Variants in SBF2 observed in about 807,000 individuals in gnomAD.
SBF2 encodes myotubularin-related protein 13.
Under a neutral mutation model 225.2 loss-of-function variants are expected in SBF2, and 112 were observed. The ratio of observed to expected loss-of-function variants is 0.50; its 90% CI spans 0.43 to 0.58. The LOEUF is 0.58. SBF2 is among the 20% of genes least tolerant of loss of function. SBF2 has a pLI of 0.00. For synonymous variants in SBF2, 763 were observed against 773.3 expected, an observed-to-expected ratio of 0.99 and a Z score of 0.22; for missense variants, 1,996 against 2,206.2, an observed-to-expected ratio of 0.90 and a Z score of 1.91.
rs375389315 is a variant in SBF2 at position 10,128,993 on chromosome 11, G to A, written c.141+64909C>T. ...CAAACAATTAGACTACAGGCTAAAAGAGTCATGTTTCCCATGAAATACTAT... is the reference window on the plus strand; with the variant it reads ...CAAACAATTAGACTACAGGCTAAAAAAGTCATGTTTCCCATGAAATACTAT... On this transcript the variant is annotated intron_variant, in intron 2 of 39. Coordinates refer to ENST00000256190, the MANE Select transcript of SBF2 (RefSeq NM_030962.4). Among the ~76,000 whole-genome samples, 10 of 151,450 alleles carry A rather than the reference G, an allele frequency of 6.6e-5. No homozygotes were observed. In the East Asian group the frequency reaches 7.7e-4, roughly 12 times the overall value.
At chr11:9,930,719 G>C (rs943416989) in intron 16 of SBF2, among the ~76,000 whole-genome samples, 1 of 152,230 alleles carries the variant, frequency 6.6e-6, no homozygotes, top group African/African-American at 2.4e-5. Context: ...TTCCAAGTGA[G>C]GTACCTGTTT....
chr11:9,942,434 C>T (rs528662564), intron 16 of SBF2, among the ~76,000 whole-genome samples: 2 of 152,278 alleles, frequency 1.3e-5, no homozygotes, highest in East Asian at 1.9e-4. Flanking sequence ...AATGTCAATT[C>T]TTCCTACATT....
At chr11:10,293,938 G>A in intron 1 of SBF2, 77 bp downstream of exon 1, 2 of 1,122,184 alleles carry the variant, frequency 1.8e-6, no homozygotes, top group Non-Finnish European at 2.3e-6. Flanking sequence ...CGTCCCCGAC[G>A]CCCGGCCCCG....
rs1410138153 is a variant in SBF2 at position 10,196,833 on chromosome 11, CATAAATATAT to C, written c.56-2856_56-2847del. ...TATCCATTTATTCCTAGGTTTCTTGCATAAATATATATATATATATATATATATATATATT... is the reference window on the plus strand; with the variant it reads ...TATCCATTTATTCCTAGGTTTCTTGCATATATATATATATATATATATATT... On this transcript the variant is annotated intron_variant, in intron 1 of 39. Transcript: ENST00000256190. Among the ~76,000 whole-genome samples the C allele has an allele frequency of 1.3e-3, 126 of 96,042 alleles. 2 individuals carry two copies. Among genetic ancestry groups the C allele is most frequent in the East Asian group, 0.011 (35 of 3,206 alleles). The allele number at this position is 96,042 out of a possible 152,430, so 63.0% of individuals were successfully genotyped here. A position where few individuals can be genotyped will look rare whatever the true frequency, so the allele number is the denominator to read the frequency against.
intron 17 of SBF2, among the ~76,000 whole-genome samples, chr11:9,879,762 A>G (rs1859582508): frequency 6.6e-6 from 1 of 152,182 alleles, no homozygotes; most frequent in Admixed American, 6.5e-5. Context: ...GAAGAATAAA[A>G]GTTCAGACAG....
intron 2 of SBF2, among the ~76,000 whole-genome samples, chr11:10,180,897 T>A (rs1056641740): frequency 6.6e-6 from 1 of 152,120 alleles, no homozygotes; most frequent in Non-Finnish European, 1.5e-5. Flanking sequence ...AATAGTAAAA[T>A]CTAACTTTTT....
At chr11:10,242,134 C>T (rs970732988) in intron 1 of SBF2, among the ~76,000 whole-genome samples, 1 of 151,696 alleles carries the variant, frequency 6.6e-6, no homozygotes, top group African/African-American at 2.4e-5. Flanking sequence ...GGTCCTAGCA[C>T]CAAAGTATTT....
intron 1 of SBF2, among the ~76,000 whole-genome samples, chr11:10,232,035 C>T (rs1481282558): frequency 6.6e-6 from 1 of 152,226 alleles, no homozygotes; most frequent in South Asian, 2.1e-4. Flanking sequence ...GCCTCACTGC[C>T]GCCTTGCAGT....
At chr11:10,234,558 A>C (rs1183281727) in intron 1 of SBF2, among the ~76,000 whole-genome samples, 1 of 152,166 alleles carries the variant, frequency 6.6e-6, no homozygotes, top group Admixed American at 6.5e-5. Context: ...TTACAGATCT[A>C]AATTTTGTCA....
intron 16 of SBF2, among the ~76,000 whole-genome samples, chr11:9,926,991 C>A (rs1454503653): frequency 6.6e-6 from 1 of 152,078 alleles, no homozygotes; most frequent in Admixed American, 6.6e-5. Context: ...ATGTATAACT[C>A]TCTAGCTTGA....
intron 26 of SBF2, among the ~76,000 whole-genome samples, chr11:9,833,532 T>C (rs1022023055): frequency 6.6e-6 from 1 of 151,306 alleles, no homozygotes; most frequent in East Asian, 2.0e-4. Flanking sequence ...GCCATTCTCC[T>C]GCCTCAGCCT....
chr11:10,217,797 A>G (rs1225206685), intron 1 of SBF2, among the ~76,000 whole-genome samples: 2 of 152,130 alleles, frequency 1.3e-5, no homozygotes, highest in African/African-American at 2.4e-5. Flanking sequence ...CATGACCGAG[A>G]CTGGTTAATT....
intron 1 of SBF2, among the ~76,000 whole-genome samples, chr11:10,250,913 G>A (rs1408429099): frequency 6.6e-6 from 1 of 152,180 alleles, no homozygotes; most frequent in Non-Finnish European, 1.5e-5. Flanking sequence ...AACCAGGCAA[G>A]TTTCTCCCCA....
intron 16 of SBF2, among the ~76,000 whole-genome samples, chr11:9,936,249 T>C (rs1864889106): frequency 6.6e-6 from 1 of 152,162 alleles, no homozygotes; most frequent in South Asian, 2.1e-4. Context: ...AAAACCACAA[T>C]GAGATACCAT....
intron 1 of SBF2, 45 bp downstream of exon 1, chr11:10,293,970 C>A: frequency 7.8e-6 from 10 of 1,275,014 alleles, no homozygotes; most frequent in Non-Finnish European, 6.0e-6. Flanking sequence ...GGACAGCGGC[C>A]GGGGGGCGGG....
chr11:10,278,573 G>C (rs576877597), intron 1 of SBF2, among the ~76,000 whole-genome samples: 1 of 152,108 alleles, frequency 6.6e-6, no homozygotes, highest in Non-Finnish European at 1.5e-5. Context: ...CTGAGGTCAG[G>C]AGTTTGAGAT....
At chr11:10,254,562 T>A (rs144404397) in intron 1 of SBF2, among the ~76,000 whole-genome samples, 1 of 148,470 alleles carries the variant, frequency 6.7e-6, no homozygotes. Context: ...GATGAATGAA[T>A]AAAGAAAATG....
chr11:9,934,400 C>T (rs2134270493), intron 16 of SBF2, among the ~76,000 whole-genome samples: 1 of 152,302 alleles, frequency 6.6e-6, no homozygotes, highest in East Asian at 1.9e-4. Context: ...GGTACCATTC[C>T]TTCTGAAACT....
rs375664773 is a variant in SBF2, at chr11:10,178,904, T to C, written c.141+14998A>G. On this transcript the variant is annotated intron_variant, in intron 2 of 39. Coordinates refer to ENST00000256190, the MANE Select transcript of SBF2 (RefSeq NM_030962.4). ...AAAGACACATGCACACGTATGTTTA[T>C]TGTGGCATTATTCACAATAGCAAAG... 1.1e-4 allele frequency among the ~76,000 whole-genome samples: 16 copies of C among 148,076 alleles called. 1 individual carries two copies. In the East Asian group the frequency reaches 1.4e-3, roughly 13 times the overall value.
Sources: gnomAD v4.1 joint callset for allele counts (sites outside exome capture counted in the v4.1 genomes callset) on GRCh38, gnomAD v4.1.1 for gene constraint, MANE v1.5 for transcripts, NCBI Gene and HGNC (gene_info 2026-07-23, HGNC 2026-07-21) for gene names.